Variants in ZNF232 observed in about 807,000 individuals in gnomAD.
ZNF232 encodes zinc finger protein 232.
In ZNF232, 25 loss-of-function variants were observed where a neutral mutation model predicts 25.2. The ratio of observed to expected loss-of-function variants is 0.99; its 90% CI spans 0.72 to 1.39. ZNF232 has a LOEUF of 1.39. Among genes scored for constraint, ZNF232 ranks in the 40% most tolerant of loss-of-function variants. The probability of loss-of-function intolerance (pLI) is 0.00; values close to 1 mark genes in which losing one functional copy is unlikely to be tolerated. For missense variants in ZNF232, 519 were observed against 520.9 expected, an observed-to-expected ratio of 1.00 and a Z score of 0.04; for synonymous variants, 193 against 182.9, an observed-to-expected ratio of 1.06 and a Z score of -0.45.
At chr17:5,111,973 C>A, upstream of ZNF232, 1 of 1,187,512 alleles carries the variant, frequency 8.4e-7, no homozygotes, top group East Asian at 2.7e-5. Context: ...GTGGGCGCTG[C>A]CGAGAGGCTG....
chr17:5,111,078 T>C (rs2072396238), intron 1 of ZNF232: 1 of 152,206 alleles, frequency 6.6e-6, no homozygotes. Context: ...AGACATACAG[T>C]AGAGGAAGAA....
upstream of ZNF232, among the ~76,000 whole-genome samples, chr17:5,113,112 C>T (rs2072457152): frequency 6.6e-6 from 1 of 152,204 alleles, no homozygotes; most frequent in African/African-American, 2.4e-5. Context: ...TAACAGTTCT[C>T]AGATTCTCAG....
chr17:5,118,110 G>C (rs887809847), intron 1 of ZNF232: 1 of 152,024 alleles, frequency 6.6e-6, no homozygotes, highest in African/African-American at 2.4e-5. Flanking sequence ...TATATTGGCA[G>C]ATTACTGGCT....
At chr17:5,108,222 C>CCGCATATTCA (rs2072308779) in intron 3 of ZNF232, among the ~76,000 whole-genome samples, 1 of 152,130 alleles carries the variant, frequency 6.6e-6, no homozygotes, top group African/African-American at 2.4e-5. Flanking sequence ...TCTTGGTTAG[C>CCGCATATTCA]CGCATATTCA....
At chr17:5,119,162 A>G (rs979162131) in intron 1 of ZNF232, among the ~76,000 whole-genome samples, 5 of 152,250 alleles carry the variant, frequency 3.3e-5, no homozygotes, top group Admixed American at 1.3e-4. Flanking sequence ...TTCCTCAAAG[A>G]GATTATCAGA....
At chr17:5,112,032 G>A, upstream of ZNF232, 1 of 710,860 alleles carries the variant, frequency 1.4e-6, no homozygotes, top group Non-Finnish European at 2.3e-6. Flanking sequence ...GAAAGAGCGC[G>A]CCGCCTGCAC....
intron 1 of ZNF232, chr17:5,120,724 A>G (rs139265948): frequency 5.5e-5 from 24 of 433,002 alleles, no homozygotes; most frequent in African/African-American, 2.8e-4. Context: ...AATGAGATGC[A>G]TGACCAGGAC....
At chr17:5,111,990 C>T (rs1299666371), upstream of ZNF232, 5 of 1,003,944 alleles carry the variant, frequency 5.0e-6, no homozygotes, top group Admixed American at 2.9e-5. Flanking sequence ...GCTGGGAGCC[C>T]GGGAACCGGT....
At chr17:5,111,434 C>T (rs939357889) in intron 1 of ZNF232, 1 of 354,440 alleles carries the variant, frequency 2.8e-6, no homozygotes, top group Non-Finnish European at 5.1e-6. Flanking sequence ...GCGGAGCTCG[C>T]GTCTCCCAGG....
At chr17:5,107,543 CTTTT>C (rs563790270) in intron 3 of ZNF232, among the ~76,000 whole-genome samples, 2 of 143,458 alleles carry the variant, frequency 1.4e-5, no homozygotes, top group South Asian at 4.5e-4. Flanking sequence ...GGTCATTTGA[CTTTT>C]TTTTTTTTTT....
At chr17:5,119,597 G>C (rs1426905416) in intron 1 of ZNF232, among the ~76,000 whole-genome samples, 2 of 152,118 alleles carry the variant, frequency 1.3e-5, no homozygotes, top group African/African-American at 4.8e-5. Flanking sequence ...GAGGACCCTG[G>C]GTGAGGCCTG....
In ZNF232 at chr17:5,109,635, C is replaced by T. The variant is rs1255343412; in HGVS notation, c.257G>A (p.Arg86His). 10 of 1,614,056 alleles carry T rather than the reference C, an allele frequency of 6.2e-6. No individual in the cohort carries two copies. In the African/African-American group the frequency reaches 6.7e-5, roughly 11 times the overall value. The change falls in exon 2 of 4, where the codon CGC becomes CAC. Residue 86 changes from arginine (R) to histidine (H), a missense_variant. Physicochemically the swap from Arg to His is conservative, Grantham distance 29. Transcript: ENST00000575898. ...CCGGGGACCAGGAGTCTCCTGGTAG[C>T]GGAGATGCCTGAAGCGTTGGCGGAA...
chr17:5,109,674 G>T, exon 2 of ZNF232: 4 of 1,614,178 alleles, frequency 2.5e-6, no homozygotes, highest in Non-Finnish European at 3.4e-6. Flanking sequence ...CTCTTGACTG[G>T]TAGAGTGGTT....
upstream of ZNF232, chr17:5,113,665 G>T (rs191255596): frequency 6.6e-6 from 1 of 152,344 alleles, no homozygotes; most frequent in African/African-American, 2.4e-5. Context: ...TTATACTAAT[G>T]TGAAAACCTC....
At position 5,110,963 on chromosome 17, in the gene ZNF232, G is replaced by C. The variant is rs570636637; in HGVS notation, c.23+837C>G. On this transcript the variant is annotated intron_variant, in intron 1 of 3. Transcript: ENST00000575898. ...AGGTAAGTGGCCACATTCTTGTGAG[G>C]ATTTGATTAGAGCTCACTGAATCCA... 3.3e-5 allele frequency: 5 copies of C among 152,328 alleles called. No individual in the cohort carries two copies. The East Asian group carries it at 9.6e-4, about 29-fold the overall frequency. The allele number at this position is 152,328 out of a possible 1,614,324, so 9.4% of individuals were successfully genotyped here.
upstream of ZNF232, among the ~76,000 whole-genome samples, chr17:5,112,938 G>A (rs1481803187): frequency 2.0e-5 from 3 of 151,172 alleles, no homozygotes; most frequent in East Asian, 2.0e-4. Context: ...TAGCCTGGGC[G>A]ACAGAGTGAG....
exon 2 of ZNF232, chr17:5,109,817 C>T: frequency 6.2e-7 from 1 of 1,614,102 alleles, no homozygotes; most frequent in Non-Finnish European, 8.5e-7. Context: ...CCATCCTAGT[C>T]TGCACTAGCT....
rs769313800 is a variant in ZNF232 at position 5,106,500 on chromosome 17, G to A, written c.632C>T (p.Thr211Ile). The A allele has an allele frequency of 8.1e-6, 13 of 1,611,520 alleles. No homozygotes were observed. The Admixed American group carries it at 2.0e-4, about 25-fold the overall frequency. Residue 211 changes from threonine (T) to isoleucine (I), a missense_variant, in exon 4 of 4, where the codon ACA (threonine) becomes ATA (isoleucine). Thr to Ile is a moderately conservative substitution (Grantham distance 89). Coordinates refer to ENST00000575898, the Ensembl canonical transcript of ZNF232. ...GTCCTTGGGCTCTGGGCCATCTTCT[G>A]TAACAACTGACAGAAAATGTAAATA...
upstream of ZNF232, chr17:5,111,966 G>C: frequency 1.6e-6 from 2 of 1,267,236 alleles, no homozygotes; most frequent in Non-Finnish European, 2.1e-6. Flanking sequence ...CAGGCGCGTG[G>C]GCGCTGCCGA....
Sources: allele counts gnomAD v4.1 joint callset (sites outside exome capture counted in the v4.1 genomes callset), GRCh38; gene constraint gnomAD v4.1.1; transcripts MANE v1.5; gene names NCBI Gene and HGNC (gene_info 2026-07-23, HGNC 2026-07-21).